The following POMP variants were observed in gnomAD, a reference collection of about 807,000 sequenced individuals.
POMP encodes the protein 2510048O06Rik.
POMP carries 12 observed loss-of-function variants against 20.6 expected under a neutral mutation model. That is an observed-to-expected ratio of 0.58 (90% CI 0.37 to 0.94). The LOEUF (loss-of-function observed/expected upper bound fraction) is 0.94, where lower values mean the gene tolerates loss of function less well. POMP is among the 40% of genes least tolerant of loss of function. The pLI, the probability that POMP is intolerant of heterozygous loss-of-function variation, is 0.01. For missense variants in POMP, 136 were observed against 161.1 expected, an observed-to-expected ratio of 0.84 and a Z score of 0.84; for synonymous variants, 53 against 55.0, an observed-to-expected ratio of 0.96 and a Z score of 0.16.
At position 28,678,226 on chromosome 13, in the gene POMP, A is replaced by G; in HGVS notation, c.*124A>G. On this transcript the variant is annotated 3_prime_UTR_variant, in exon 6 of 6. Transcript: ENST00000380842. ...AATTTCTGCTCAAGTAGTATCAGTG[A>G]TCATTTAAAATTTGGAGGGGTCTTT... The G allele has an allele frequency of 1.0e-6, 1 of 970,952 alleles. No homozygotes were observed. The allele number at this position is 970,952 out of a possible 1,614,324, so 60.1% of individuals were successfully genotyped here. A position where few individuals can be genotyped will look rare whatever the true frequency, so the allele number is the denominator to read the frequency against.
At chr13:28,672,612 A>T (rs1284652039) in intron 5 of POMP, among the ~76,000 whole-genome samples, 180 bp downstream of exon 5, 1 of 152,142 alleles carries the variant, frequency 6.6e-6, no homozygotes, top group East Asian at 1.9e-4. Context: ...TTAAAAGTGA[A>T]GATTGGCTGG....
intron 1 of POMP, 147 bp downstream of exon 1, chr13:28,659,334 G>C: frequency 7.4e-7 from 1 of 1,358,844 alleles, no homozygotes; most frequent in Non-Finnish European, 1.0e-6. Flanking sequence ...ATAATCTGTC[G>C]AGTCACGGGG....
intron 3 of POMP, among the ~76,000 whole-genome samples, chr13:28,667,109 C>G (rs1279161753): frequency 6.6e-6 from 1 of 152,106 alleles, no homozygotes; most frequent in East Asian, 1.9e-4. Flanking sequence ...TTGTGTGTTG[C>G]CACAGAGCCT....
intron 4 of POMP, among the ~76,000 whole-genome samples, chr13:28,671,151 C>T (rs761005549): frequency 6.6e-6 from 1 of 152,208 alleles, no homozygotes; most frequent in Non-Finnish European, 1.5e-5. Context: ...TCTTAAAAAA[C>T]ATGGTTTTGA....
At chr13:28,668,424 G>A in intron 3 of POMP, 49 bp from the exon 4 acceptor site, 1 of 1,358,590 alleles carries the variant, frequency 7.4e-7, no homozygotes, top group Non-Finnish European at 1.1e-6. Context: ...TAACTGTTTT[G>A]AAAGCAGAGT....
At chr13:28,662,369 A>AT in intron 1 of POMP, 41 bp from the exon 2 acceptor site, 8 of 1,494,214 alleles carry the variant, frequency 5.4e-6, no homozygotes, top group Non-Finnish European at 7.4e-6. Context: ...GTGTGTTTAA[A>AT]TTTTTTTTCT....
Position 28,678,202 on chromosome 13 carries a change from A to G in POMP, c.*100A>G. On this transcript the variant is annotated 3_prime_UTR_variant, in exon 6 of 6. Coordinates refer to ENST00000380842, the MANE Select transcript of POMP (RefSeq NM_015932.6). ...ACATTAAAAGTACTGACACCTGAGA[A>G]TTTCTGCTCAAGTAGTATCAGTGAT... 1 of 1,206,522 alleles carries G rather than the reference A, an allele frequency of 8.3e-7. No homozygotes were observed. Among genetic ancestry groups the G allele is most frequent in the Non-Finnish European group, 1.2e-6 (1 of 815,542 alleles). The allele number at this position is 1,206,522 out of a possible 1,614,324, so 74.7% of individuals were successfully genotyped here.
chr13:28,668,497 A>T lies in POMP; in HGVS notation c.187A>T (p.Asn63Tyr), dbSNP rs1208593101. 2 of 1,611,098 alleles carry T rather than the reference A, an allele frequency of 1.2e-6. No individual in the cohort carries two copies. The highest frequency in any genetic ancestry group is 2.2e-5 in the South Asian group (2 of 91,044). ...GTTCCAGCTCAACCAAGATAAAATG[A>T]ATTTTTCCACACTGAGAAACATTCA... is the stretch of plus-strand genomic sequence containing the variant. ...KNFQLNQDKMNFSTLRNIQGL... is the reference protein window; with the variant it reads ...KNFQLNQDKMYFSTLRNIQGL... The change falls in exon 4 of 6, where the codon AAT becomes TAT. Residue 63 changes from asparagine (N) to tyrosine (Y), a missense_variant. Transcript: ENST00000380842.
chr13:28,668,462 G>A lies in POMP; in HGVS notation c.163-11G>A, dbSNP rs184723560. On this transcript the variant is annotated splice_polypyrimidine_tract_variant and intron_variant, in intron 3 of 5. Coordinates refer to ENST00000380842, the MANE Select transcript of POMP (RefSeq NM_015932.6). ...TGAGTGTAATGTTTAAAATTACATT[G>A]TCTTTTGTAGTTCCAGCTCAACCAA... The A allele has an allele frequency of 4.3e-4, 674 of 1,567,774 alleles. No individual in the cohort carries two copies. Among genetic ancestry groups the A allele is most frequent in the Non-Finnish European group, 4.2e-4 (478 of 1,138,294 alleles).
rs1479698450 is a variant in POMP at position 28,678,368 on chromosome 13, AATG to A, written c.*269_*271del. ...AAGTTGTTGCTCATGAATATTATAA[AATG>A]ATCTACAGGTTTCAATTCAACCTGT... On this transcript the variant is annotated 3_prime_UTR_variant, in exon 6 of 6. Transcript: ENST00000380842. The A allele has an allele frequency of 2.4e-6, 1 of 411,310 alleles. No homozygotes were observed. Among genetic ancestry groups the A allele is most frequent in the Non-Finnish European group, 4.4e-6 (1 of 225,558 alleles). The allele number at this position is 411,310 out of a possible 1,614,324, so 25.5% of individuals were successfully genotyped here.
chr13:28,663,138 T>G (rs1390073533), intron 2 of POMP, among the ~76,000 whole-genome samples: 1 of 152,166 alleles, frequency 6.6e-6, no homozygotes, highest in African/African-American at 2.4e-5. Context: ...GTTTTTGATT[T>G]CCTTTTTGTT....
chr13:28,664,884 T>C (rs2137792152), intron 3 of POMP, among the ~76,000 whole-genome samples: 1 of 152,320 alleles, frequency 6.6e-6, no homozygotes, highest in East Asian at 1.9e-4. Flanking sequence ...TGCTGTTGAC[T>C]TCCAAGTTCA....
intron 4 of POMP, among the ~76,000 whole-genome samples, chr13:28,669,200 G>A (rs1377390540): frequency 1.3e-5 from 2 of 151,962 alleles, no homozygotes; most frequent in Non-Finnish European, 2.9e-5. Flanking sequence ...GTCTACATTT[G>A]CTTTCTATAC....
chr13:28,677,089 G>T (rs1593176626), intron 5 of POMP, among the ~76,000 whole-genome samples: 1 of 152,278 alleles, frequency 6.6e-6, no homozygotes, highest in East Asian at 1.9e-4. Flanking sequence ...ATTTGCTGTA[G>T]TGACCCTCAA....
At chr13:28,660,910 A>C (rs1423210336) in intron 1 of POMP, among the ~76,000 whole-genome samples, 1 of 152,204 alleles carries the variant, frequency 6.6e-6, no homozygotes, top group Non-Finnish European at 1.5e-5. Context: ...TAAAGGCAGC[A>C]AGACCCAGTA....
intron 5 of POMP, 151 bp downstream of exon 5, chr13:28,672,583 A>G: frequency 1.4e-6 from 1 of 712,180 alleles, no homozygotes; most frequent in Non-Finnish European, 2.5e-6. Context: ...TAATGGTAGT[A>G]ACTGTTCTTT....
rs2511253 is a variant in POMP, at chr13:28,664,690, G to A, written c.162+121G>A. ...GATTTGCCCATGAAGAATATGAGGC[G>A]TTATTTTCAAACCCCTTGTAGGATA... On this transcript the variant is annotated intron_variant, in intron 3 of 5. Coordinates refer to ENST00000380842, the MANE Select transcript of POMP (RefSeq NM_015932.6). 9,662 of 648,250 alleles carry A rather than the reference G, an allele frequency of 0.015. 681 individuals carry two copies. The African/African-American group carries it at 0.15, about 10-fold the overall frequency. The allele number at this position is 648,250 out of a possible 1,614,324, so 40.2% of individuals were successfully genotyped here. A position where few individuals can be genotyped will look rare whatever the true frequency, so the allele number is the denominator to read the frequency against.
chr13:28,664,378 T>C, intron 2 of POMP, 131 bp from the exon 3 acceptor site: 2 of 619,526 alleles, frequency 3.2e-6, no homozygotes, highest in Non-Finnish European at 5.8e-6. Flanking sequence ...GTCACCACAG[T>C]CAAGATACAG....
intron 3 of POMP, 29 bp from the exon 4 acceptor site, chr13:28,668,444 A>C: frequency 6.8e-7 from 1 of 1,475,622 alleles, no homozygotes; most frequent in Non-Finnish European, 9.5e-7. Flanking sequence ...TATTGAGTGT[A>C]ATGTTTAAAA....
Sources: gnomAD v4.1 joint callset for allele counts (sites outside exome capture counted in the v4.1 genomes callset) on GRCh38, gnomAD v4.1.1 for gene constraint, MANE v1.5 for transcripts, NCBI Gene and HGNC (gene_info 2026-07-23, HGNC 2026-07-21) for gene names.